Variants in MAGI3 observed in about 807,000 individuals in gnomAD.
MAGI3 encodes the protein membrane associated guanylate kinase, WW and PDZ domain containing 3, also known as membrane-associated guanylate kinase, WW and PDZ domain-containing protein 3.
In MAGI3, 43 loss-of-function variants were observed where a neutral mutation model predicts 121.8. The ratio of observed to expected loss-of-function variants is 0.35; its 90% CI spans 0.28 to 0.46. The LOEUF (loss-of-function observed/expected upper bound fraction) is 0.46. MAGI3 is among the 20% of genes least tolerant of loss of function. The pLI, the probability that MAGI3 is intolerant of heterozygous loss-of-function variation, is 1.00. For missense variants in MAGI3, 1,547 were observed against 1,797.3 expected, an observed-to-expected ratio of 0.86 and a Z score of 2.52; for synonymous variants, 553 against 639.3, an observed-to-expected ratio of 0.86 and a Z score of 2.04.
At chr1:113,634,527 C>T (rs1486290427) in intron 9 of MAGI3, among the ~76,000 whole-genome samples, 1 of 152,094 alleles carries the variant, frequency 6.6e-6, no homozygotes, top group Non-Finnish European at 1.5e-5. Context: ...TCAGGTTTGT[C>T]GAAGATCAGA....
At chr1:113,570,801 C>T (rs1647251579) in intron 2 of MAGI3, among the ~76,000 whole-genome samples, 1 of 152,066 alleles carries the variant, frequency 6.6e-6, no homozygotes, top group South Asian at 2.1e-4. Context: ...ATACCTTTGT[C>T]AGATGGATAG....
At chr1:113,533,815 C>T (rs1658842181) in intron 1 of MAGI3, among the ~76,000 whole-genome samples, 1 of 150,694 alleles carries the variant, frequency 6.6e-6, no homozygotes, top group Non-Finnish European at 1.5e-5. Context: ...TCAGATTCCC[C>T]GTCCCCATAG....
chr1:113,548,458 A>G (rs1659634482), intron 1 of MAGI3, among the ~76,000 whole-genome samples: 1 of 152,230 alleles, frequency 6.6e-6, no homozygotes, highest in Non-Finnish European at 1.5e-5. Context: ...TTCACATTGT[A>G]TCTAGGAGTC....
intron 1 of MAGI3, among the ~76,000 whole-genome samples, chr1:113,524,337 G>A (rs112433320): frequency 0.032 from 4,878 of 152,046 alleles, 126 homozygotes; most frequent in Non-Finnish European, 0.049. Flanking sequence ...CCCCAGAATG[G>A]TAGATCCACA....
intron 3 of MAGI3, among the ~76,000 whole-genome samples, chr1:113,582,765 C>G (rs995131178): frequency 4.6e-5 from 7 of 151,296 alleles, no homozygotes; most frequent in Admixed American, 1.3e-4. Context: ...GTAGATGTGG[C>G]CATATATGTA....
intron 1 of MAGI3, among the ~76,000 whole-genome samples, chr1:113,483,578 A>G (rs1656212511): frequency 1.3e-5 from 2 of 152,118 alleles, no homozygotes; most frequent in Admixed American, 6.6e-5. Context: ...TGTTTAAGCA[A>G]CCCAACCTGT....
At chr1:113,627,457 G>T (rs1272349605) in intron 9 of MAGI3, among the ~76,000 whole-genome samples, 1 of 151,658 alleles carries the variant, frequency 6.6e-6, no homozygotes, top group Non-Finnish European at 1.5e-5. Context: ...CTATAGTGCA[G>T]ATTAGGTCTG....
At chr1:113,617,722 A>G (rs531052389) in intron 7 of MAGI3, among the ~76,000 whole-genome samples, 3 of 152,318 alleles carry the variant, frequency 2.0e-5, no homozygotes, top group East Asian at 1.9e-4. Flanking sequence ...GAACAGGTTT[A>G]TTCTTTTCTG....
intron 1 of MAGI3, among the ~76,000 whole-genome samples, chr1:113,444,861 GA>G (rs1654093508): frequency 6.6e-6 from 1 of 152,030 alleles, no homozygotes; most frequent in Non-Finnish European, 1.5e-5. Flanking sequence ...GGAAAGTCAA[GA>G]ACATAATGTA....
intron 13 of MAGI3, among the ~76,000 whole-genome samples, chr1:113,650,095 A>G (rs1443791841): frequency 6.6e-6 from 1 of 152,074 alleles, no homozygotes; most frequent in Non-Finnish European, 1.5e-5. Flanking sequence ...TTAGGTGAAG[A>G]ACAATAATCT....
At chr1:113,438,339 C>T (rs894506646) in intron 1 of MAGI3, among the ~76,000 whole-genome samples, 3 of 152,134 alleles carry the variant, frequency 2.0e-5, no homozygotes, top group East Asian at 1.9e-4. Context: ...ATACTGAATT[C>T]GATTGCTGGC....
chr1:113,497,191 A>T (rs1306343960), intron 1 of MAGI3, among the ~76,000 whole-genome samples: 1 of 151,864 alleles, frequency 6.6e-6, no homozygotes, highest in East Asian at 2.0e-4. Context: ...CAGGAGGTGG[A>T]GGTTGCAGTG....
chr1:113,679,941 G>T (rs1648115939), intron 19 of MAGI3, among the ~76,000 whole-genome samples: 1 of 152,140 alleles, frequency 6.6e-6, no homozygotes, highest in African/African-American at 2.4e-5. Flanking sequence ...CCGACCTCAG[G>T]TGATCCACCA....
At chr1:113,472,746 G>GTA (rs56329909) in intron 1 of MAGI3, among the ~76,000 whole-genome samples, 36,224 of 150,620 alleles carry the variant, frequency 0.24, 5,049 homozygotes, top group East Asian at 0.63. Flanking sequence ...GTGTGTGTGT[G>GTA]TGTGTGTGTG....
intron 1 of MAGI3, among the ~76,000 whole-genome samples, chr1:113,510,285 CATT>C (rs1477575189): frequency 1.3e-5 from 2 of 149,922 alleles, no homozygotes; most frequent in Non-Finnish European, 3.0e-5. Flanking sequence ...TGCTTCTAAA[CATT>C]ATACATAAGA....
At chr1:113,576,908 C>T (rs1279011411) in intron 2 of MAGI3, 1 of 152,132 alleles carries the variant, frequency 6.6e-6, no homozygotes, top group Non-Finnish European at 1.5e-5. Flanking sequence ...AGTGACTTTA[C>T]ACACCCAGGA....
rs778378021 is a variant in MAGI3, at chr1:113,590,609, A to C, written c.889A>C (p.Lys297Gln). The stretch of plus-strand genomic sequence containing the variant: ...AGATGAGACTCTGGAACCACTGCCC[A>C]AAAACTGGGAAATGGCCTACACTGA... The part of the protein sequence containing the change: ...MRDETLEPLP[K>Q]NWEMAYTDTG... Residue 297 changes from lysine (K) to glutamine (Q), a missense_variant, in exon 5 of 21, where the codon AAA (lysine) becomes CAA (glutamine). Lys to Gln is a moderately conservative substitution (Grantham distance 53). Transcript: ENST00000307546. The C allele has an allele frequency of 1.5e-5, 24 of 1,613,602 alleles. No individual in the cohort carries two copies. Among genetic ancestry groups the C allele is most frequent in the Non-Finnish European group, 2.0e-5 (24 of 1,179,712 alleles).
chr1:113,570,091 T>C (rs1054916580), intron 2 of MAGI3, among the ~76,000 whole-genome samples: 2 of 152,116 alleles, frequency 1.3e-5, no homozygotes, highest in African/African-American at 4.8e-5. Context: ...CCTCCCTGTG[T>C]CCATGTGTTC....
chr1:113,391,821 C>T lies in MAGI3; in HGVS notation c.316+472C>T, dbSNP rs915913645. ...TGTACCTGGAAGGGCTTAGCTGCTT[C>T]AGTGTTTCTTGCACTCTAGCAGACA... On this transcript the variant is annotated intron_variant, in intron 1 of 20. Coordinates refer to ENST00000307546, the MANE Select transcript of MAGI3 (RefSeq NM_001142782.2). The surrounding 1 kb of genome is among the most constrained non-coding windows in gnomAD (Gnocchi z 4.4). Among the ~76,000 whole-genome samples the T allele has an allele frequency of 6.6e-6, 1 of 152,216 alleles. No homozygotes were observed. The highest frequency in any genetic ancestry group is 6.5e-5 in the Admixed American group (1 of 15,284).
Sources: gnomAD v4.1 joint callset for allele counts (sites outside exome capture counted in the v4.1 genomes callset) on GRCh38, gnomAD v4.1.1 for gene constraint, Gnocchi (gnomAD v3.1) non-coding constraint, MANE v1.5 for transcripts, NCBI Gene and HGNC (gene_info 2026-07-23, HGNC 2026-07-21) for gene names.